Variants in ERP27 observed in about 807,000 individuals in gnomAD.
ERP27 encodes endoplasmic reticulum protein 27.
ERP27 carries 23 observed loss-of-function variants against 27.7 expected under a neutral mutation model. The ratio of observed to expected loss-of-function variants is 0.83; its 90% CI spans 0.60 to 1.18. The LOEUF (loss-of-function observed/expected upper bound fraction) is 1.18, where lower values mean the gene tolerates loss of function less well. Among genes scored for constraint, ERP27 ranks in the 50% most tolerant of loss-of-function variants. The pLI, the probability that ERP27 is intolerant of heterozygous loss-of-function variation, is 0.00. For synonymous variants in ERP27, 159 were observed against 118.3 expected (o/e 1.34, Z -2.23); for missense variants, 363 against 327.9 (o/e 1.11, Z -0.83).
intron 3 of ERP27, among the ~76,000 whole-genome samples, chr12:14,933,853 A>G (rs1273518185): frequency 2.0e-5 from 3 of 152,168 alleles, no homozygotes; most frequent in Non-Finnish European, 4.4e-5. Context: ...CCTCTCTACT[A>G]CAGACTCTTA....
intron 3 of ERP27, among the ~76,000 whole-genome samples, chr12:14,924,083 T>G (rs1863557830): frequency 6.6e-6 from 1 of 152,204 alleles, no homozygotes; most frequent in Non-Finnish European, 1.5e-5. Context: ...TCTACTTCTA[T>G]AGATCCATTT....
intron 2 of ERP27, among the ~76,000 whole-genome samples, chr12:14,936,755 T>C (rs1863779497): frequency 6.6e-6 from 1 of 152,102 alleles, no homozygotes; most frequent in African/African-American, 2.4e-5. Flanking sequence ...TTCTCTCTCC[T>C]GCCATCCTGT....
chr12:14,932,551 C>T (rs1431953667), intron 3 of ERP27, among the ~76,000 whole-genome samples: 1 of 152,192 alleles, frequency 6.6e-6, no homozygotes, highest in Non-Finnish European at 1.5e-5. Context: ...GGCAGTGGGG[C>T]AGGCCAGCAA....
intron 6 of ERP27, 64 bp from the exon 7 acceptor site, chr12:14,914,846 T>A (rs930841434): frequency 7.8e-6 from 10 of 1,286,558 alleles, no homozygotes; most frequent in Non-Finnish European, 1.1e-5. Context: ...CTGGAAGTCC[T>A]AAATCCTTCT....
intron 3 of ERP27, chr12:14,929,150 T>G: frequency 7.1e-7 from 1 of 1,417,720 alleles, no homozygotes; most frequent in Non-Finnish European, 9.2e-7. Context: ...CCCCCCTCCC[T>G]GTACTCTTTT....
At chr12:14,937,903 A>G (rs3748297) in intron 2 of ERP27, 49 bp downstream of exon 2, 557,117 of 1,535,568 alleles carry the variant, frequency 0.36, 104,031 homozygotes, top group Middle Eastern at 0.41. Flanking sequence ...TGGTTCCCTT[A>G]AGGTAGAACA....
intron 3 of ERP27, among the ~76,000 whole-genome samples, chr12:14,932,384 G>T (rs924943474): frequency 1.3e-5 from 2 of 152,130 alleles, no homozygotes; most frequent in African/African-American, 2.4e-5. Flanking sequence ...TCTGGGTGAG[G>T]CTAGGTGAAA....
rs148452405 is a variant in ERP27 at position 14,935,225 on chromosome 12, C to A, written c.196-232G>T. On this transcript the variant is annotated intron_variant, in intron 2 of 6. Transcript: ENST00000266397. ...CGAAATTGTAGCTGAGCCTGAGACTCCTGTCAGGCCTTGTCATAGAGCTTG... is the reference window on the plus strand; with the variant it reads ...CGAAATTGTAGCTGAGCCTGAGACTACTGTCAGGCCTTGTCATAGAGCTTG... 4.6e-4 allele frequency: 384 copies of A among 836,332 alleles called. 2 individuals are homozygous for A. In the African/African-American group the frequency reaches 6.4e-3, roughly 14 times the overall value. 51.8% of individuals were successfully genotyped at this position (836,332 alleles called of 1,614,324 possible). A position where few individuals can be genotyped will look rare whatever the true frequency, so the allele number is the denominator to read the frequency against.
chr12:14,938,101 G>A lies in ERP27; in HGVS notation c.95-49C>T, dbSNP rs751791412. ...CAGGGTACTGAGGCAAGAAGAAGCA[G>A]CTCTAAATAATGAGGGCATCTATAC... On this transcript the variant is annotated intron_variant, in intron 1 of 6. Transcript: ENST00000266397. 8.1e-6 allele frequency: 12 copies of A among 1,478,610 alleles called. No homozygotes were observed. In the Admixed American group the frequency reaches 2.0e-4, roughly 25 times the overall value. The allele number at this position is 1,478,610 out of a possible 1,614,324, so 91.6% of individuals were successfully genotyped here.
At chr12:14,917,969 G>A (rs1863440057) in intron 4 of ERP27, among the ~76,000 whole-genome samples, 1 of 152,196 alleles carries the variant, frequency 6.6e-6, no homozygotes, top group South Asian at 2.1e-4. Context: ...TAACATATTA[G>A]TCACTTTATT....
intron 6 of ERP27, 83 bp downstream of exon 6, chr12:14,915,406 G>C: frequency 2.0e-6 from 3 of 1,473,498 alleles, no homozygotes; most frequent in Non-Finnish European, 2.8e-6. Flanking sequence ...CTCCCTCTCT[G>C]AGCCCAAAGA....
At chr12:14,934,240 G>C (rs1400224093) in intron 3 of ERP27, among the ~76,000 whole-genome samples, 1 of 151,754 alleles carries the variant, frequency 6.6e-6, no homozygotes, top group Admixed American at 6.6e-5. Flanking sequence ...TTTCAATTCT[G>C]TTGTCTTTTT....
At chr12:14,923,500 T>TATC (rs1371069577) in intron 3 of ERP27, among the ~76,000 whole-genome samples, 2 of 150,662 alleles carry the variant, frequency 1.3e-5, no homozygotes, top group Non-Finnish European at 3.0e-5. Context: ...TCAATCTATC[T>TATC]ATCTATCTAT....
chr12:14,934,936 C>G lies in ERP27; in HGVS notation c.253G>C (p.Val85Leu), dbSNP rs767687494. 8.1e-6 allele frequency: 13 copies of G among 1,613,950 alleles called. No individual in the cohort carries two copies. The highest frequency in any genetic ancestry group is 1.1e-5 in the Non-Finnish European group (13 of 1,179,998). Residue 85 changes from valine to leucine, a missense_variant, in exon 3 of 7, where the codon GTG becomes CTG. By Grantham distance (32) the Val-to-Leu change is conservative. Transcript: ENST00000266397. ...LHSMVQKFPG[V>L]SFGISTDSEV... ...GAATCAGTGCTGATCCCAAATGACA[C>G]GCCTGGGAATTTTTGCACCATGCTA...
chr12:14,930,297 A>G lies in ERP27; in HGVS notation c.333+4559T>C, dbSNP rs534809601. Among the ~76,000 whole-genome samples, 4 of 152,280 alleles carry G rather than the reference A, an allele frequency of 2.6e-5. No homozygotes were observed. In the South Asian group the frequency reaches 8.3e-4, roughly 32 times the overall value. ...TTCTTCTGATTCTCTTTGTCTGGTG[A>G]GGTAAATTTCTTATAATAGTTACCC... On this transcript the variant is annotated intron_variant, in intron 3 of 6. Transcript: ENST00000266397.
chr12:14,932,978 T>C (rs1863718582), intron 3 of ERP27, among the ~76,000 whole-genome samples: 1 of 152,224 alleles, frequency 6.6e-6, no homozygotes. Context: ...ATTTGAATCA[T>C]GAGAGAAGTC....
intron 3 of ERP27, among the ~76,000 whole-genome samples, chr12:14,925,344 C>T (rs1014326706): frequency 6.6e-6 from 1 of 152,122 alleles, no homozygotes; most frequent in African/African-American, 2.4e-5. Flanking sequence ...AGGGTCATTC[C>T]ATGTTTTTAT....
At chr12:14,931,811 TAAGACCGACAAACGAAAA>T (rs1863701674) in intron 3 of ERP27, among the ~76,000 whole-genome samples, 1 of 152,072 alleles carries the variant, frequency 6.6e-6, no homozygotes, top group Admixed American at 6.6e-5. Context: ...TCAGGCCTTA[TAAGACCGACAAACGAAAA>T]ACTGAGAAAG....
At chr12:14,929,593 AAAG>A (rs1863666694) in intron 3 of ERP27, among the ~76,000 whole-genome samples, 1 of 152,216 alleles carries the variant, frequency 6.6e-6, no homozygotes, top group African/African-American at 2.4e-5. Flanking sequence ...ATTTCAGAGA[AAAG>A]AGGCAGCAGA....
Sources: gnomAD v4.1 joint callset for allele counts (sites outside exome capture counted in the v4.1 genomes callset) on GRCh38, gnomAD v4.1.1 for gene constraint, MANE v1.5 for transcripts, NCBI Gene and HGNC (gene_info 2026-07-23, HGNC 2026-07-21) for gene names.